The following GPM6A variants were observed in gnomAD, a reference collection of about 807,000 sequenced individuals.
GPM6A encodes the protein glycoprotein M6A, also known as neuronal membrane glycoprotein M6-a.
In GPM6A, 7 loss-of-function variants were observed where a neutral mutation model predicts 32.1. The ratio of observed to expected loss-of-function variants is 0.22; its 90% confidence interval spans 0.12 to 0.41. The LOEUF is 0.41. Ranked by LOEUF, GPM6A falls within the 10% of genes least tolerant of loss-of-function variation. The probability of loss-of-function intolerance (pLI) is 1.00; values close to 1 mark genes in which losing one functional copy is unlikely to be tolerated. For synonymous variants in GPM6A, 130 were observed against 123.4 expected, an observed-to-expected ratio of 1.05 and a Z score of -0.35; for missense variants, 235 against 347.2, an observed-to-expected ratio of 0.68 and a Z score of 2.57.
rs76196573 is a variant in GPM6A, at chr4:175,986,202, C to T, written c.-23+16107G>A. 2.7e-4 allele frequency among the ~76,000 whole-genome samples: 41 copies of T among 152,242 alleles called. 1 individual carries two copies. In the East Asian group the frequency reaches 7.3e-3, roughly 27 times the overall value. On this transcript the variant is annotated intron_variant, in intron 1 of 7. Transcript: ENST00000280187. ...TGAAATTTCAGCTCTTTAACCATCC[C>T]TCCATTCCAATAAGTGTTATTTGGA...
intron 1 of GPM6A, among the ~76,000 whole-genome samples, chr4:175,829,928 T>C (rs1735557599): frequency 6.6e-6 from 1 of 151,956 alleles, no homozygotes; most frequent in South Asian, 2.1e-4. Context: ...TACTATAAGA[T>C]CAATTTCTTA....
chr4:175,753,393 T>C (rs1329065024), intron 1 of GPM6A, among the ~76,000 whole-genome samples: 1 of 152,140 alleles, frequency 6.6e-6, no homozygotes, highest in Non-Finnish European at 1.5e-5. Flanking sequence ...ATAGGCATAT[T>C]ATTAACTTAG....
At chr4:175,711,409 AATATATATATATATATATATAT>A (rs36105210) in intron 1 of GPM6A, among the ~76,000 whole-genome samples, 809 of 53,292 alleles carry the variant, frequency 0.015, 58 homozygotes, top group African/African-American at 0.063. Context: ...TGGCACACCA[AATATATATATATATATATATAT>A]ATATATATAT....
chr4:175,937,975 T>C (rs2126332993), intron 1 of GPM6A, among the ~76,000 whole-genome samples: 1 of 152,154 alleles, frequency 6.6e-6, no homozygotes. Context: ...ATTCTAAAGT[T>C]GATAGTCAGT....
At chr4:175,724,932 C>T (rs1746328134) in intron 1 of GPM6A, among the ~76,000 whole-genome samples, 1 of 152,140 alleles carries the variant, frequency 6.6e-6, no homozygotes. Flanking sequence ...CACTAACACC[C>T]ACTACACACT....
At chr4:175,857,452 T>C (rs1352190984) in intron 1 of GPM6A, among the ~76,000 whole-genome samples, 1 of 152,098 alleles carries the variant, frequency 6.6e-6, no homozygotes, top group Non-Finnish European at 1.5e-5. Context: ...AAAGTAGTTA[T>C]AGCTAACAAG....
intron 1 of GPM6A, among the ~76,000 whole-genome samples, chr4:175,849,478 A>G (rs1736186626): frequency 6.6e-6 from 1 of 152,204 alleles, no homozygotes; most frequent in Admixed American, 6.5e-5. Flanking sequence ...CACACTGGAC[A>G]TGTAGCACCA....
chr4:175,668,216 T>C (rs1416659004), intron 3 of GPM6A, among the ~76,000 whole-genome samples: 1 of 152,168 alleles, frequency 6.6e-6, no homozygotes. Context: ...TACACTGAGA[T>C]TGGTCCACTG....
At chr4:175,843,319 A>T (rs1443209603) in intron 1 of GPM6A, among the ~76,000 whole-genome samples, 2 of 152,198 alleles carry the variant, frequency 1.3e-5, no homozygotes, top group Non-Finnish European at 2.9e-5. Context: ...CTTTCCTTTT[A>T]CATTCATTTT....
intron 1 of GPM6A, among the ~76,000 whole-genome samples, chr4:175,922,955 C>T (rs1438468225): frequency 6.6e-6 from 1 of 151,936 alleles, no homozygotes; most frequent in East Asian, 1.9e-4. Flanking sequence ...CTACAATTGC[C>T]CTATAATTTA....
intron 1 of GPM6A, among the ~76,000 whole-genome samples, chr4:175,790,995 G>A (rs1733991144): frequency 6.6e-6 from 1 of 151,886 alleles, no homozygotes; most frequent in Non-Finnish European, 1.5e-5. Flanking sequence ...GTGTGTATGA[G>A]AGAGAGAGAA....
intron 1 of GPM6A, among the ~76,000 whole-genome samples, chr4:175,723,125 A>C (rs534459562): frequency 6.6e-6 from 1 of 152,270 alleles, no homozygotes. Flanking sequence ...ACACTTACTA[A>C]TTTTTAGTTA....
chr4:175,979,512 C>T (rs943733661), intron 1 of GPM6A, among the ~76,000 whole-genome samples: 2 of 152,030 alleles, frequency 1.3e-5, no homozygotes, highest in Non-Finnish European at 2.9e-5. Context: ...TTTGTCCTTG[C>T]GATAGTTTGC....
rs186819847 is a variant in GPM6A, at chr4:175,804,659, G to A, written c.37+7532C>T. On this transcript the variant is annotated intron_variant, in intron 1 of 6. Transcript: ENST00000393658. ...AGCTATTATTATTAATATTTTCCTT[G>A]ACAAATAAATCATGCTAGTAAAAGT... 1.7e-3 allele frequency among the ~76,000 whole-genome samples: 258 copies of A among 152,218 alleles called. 2 individuals are homozygous for A. Among genetic ancestry groups the A allele is most frequent in the Non-Finnish European group, 2.3e-3 (155 of 68,012 alleles).
chr4:175,871,579 TTC>T (rs1278261120), intron 1 of GPM6A, among the ~76,000 whole-genome samples: 1 of 152,202 alleles, frequency 6.6e-6, no homozygotes, highest in Non-Finnish European at 1.5e-5. Flanking sequence ...CACAATAGCT[TTC>T]TCTCTTTTCT....
chr4:175,873,357 T>C (rs1033398532), intron 1 of GPM6A, among the ~76,000 whole-genome samples: 2 of 152,142 alleles, frequency 1.3e-5, no homozygotes, highest in Non-Finnish European at 2.9e-5. Flanking sequence ...TATTAAATAT[T>C]ATTTAAATTA....
At position 175,881,824 on chromosome 4, in the gene GPM6A, C is replaced by A. The variant is rs111338365; in HGVS notation, c.-22-69575G>T. On this transcript the variant is annotated intron_variant, in intron 1 of 7. Coordinates refer to the GPM6A transcript ENST00000280187. ...CTTGGACACAGGAAGGGGAACATCA[C>A]ACACTGGGGCCTGTTGCAGGGTGGG... Among the ~76,000 whole-genome samples the A allele has an allele frequency of 7.2e-5, 11 of 151,758 alleles. 2 individuals carry two copies. The highest frequency in any genetic ancestry group is 2.7e-4 in the African/African-American group (11 of 41,290).
chr4:175,719,184 GA>G (rs1212622761), intron 1 of GPM6A, among the ~76,000 whole-genome samples: 1 of 148,350 alleles, frequency 6.7e-6, no homozygotes, highest in African/African-American at 2.5e-5. Flanking sequence ...ACAACATACC[GA>G]AATTGGGTAT....
intron 1 of GPM6A, among the ~76,000 whole-genome samples, chr4:175,833,602 CAGTAG>C (rs982434286): frequency 1.3e-5 from 2 of 152,024 alleles, no homozygotes; most frequent in Non-Finnish European, 2.9e-5. Flanking sequence ...GTGTTGTTCC[CAGTAG>C]AGTAATTAAG....
Sources: gnomAD v4.1 joint callset for allele counts (sites outside exome capture counted in the v4.1 genomes callset) on GRCh38, gnomAD v4.1.1 for gene constraint, MANE v1.5 for transcripts, NCBI Gene and HGNC (gene_info 2026-07-23, HGNC 2026-07-21) for gene names.